SLC36A1: variants seen among roughly 807,000 people sequenced by gnomAD.
SLC36A1 encodes the protein solute carrier family 36 member 1.
A neutral mutation model predicts 47.5 loss-of-function variants in SLC36A1; 30 were observed. The ratio of observed to expected loss-of-function variants is 0.63; its 90% CI spans 0.47 to 0.86. SLC36A1 has a LOEUF of 0.86. Among genes scored for constraint, SLC36A1 ranks in the 40% least tolerant of loss-of-function variants. The probability of loss-of-function intolerance (pLI) is 0.00; values close to 1 mark genes in which losing one functional copy is unlikely to be tolerated. For missense variants in SLC36A1, 517 were observed against 606.0 expected (o/e 0.85, Z 1.54); for synonymous variants, 255 against 249.7 (o/e 1.02, Z -0.20).
the SLC36A1 span, among the ~76,000 whole-genome samples, chr5:151,389,594 C>T: frequency 0.5 from 68,055 of 134,848 alleles, 18,514 homozygotes; most frequent in African/African-American, 0.76. Flanking sequence ...GTGTGTGATG[C>T]TCCCCTTCCT....
At chr5:151,529,705 A>G in the SLC36A1 span, among the ~76,000 whole-genome samples, 1 of 152,242 alleles carries the variant, frequency 6.6e-6, no homozygotes, top group Non-Finnish European at 1.5e-5. Context: ...CCTGTGGAGC[A>G]GGGACAATTA....
the SLC36A1 span, chr5:151,380,473 C>A: frequency 2.2e-6 from 1 of 452,206 alleles, no homozygotes; most frequent in Non-Finnish European, 4.5e-6. Context: ...GACTTGGAAA[C>A]ATGTGCCTAT....
chr5:151,510,069 G>A, the SLC36A1 span: 1 of 1,614,218 alleles, frequency 6.2e-7, no homozygotes, highest in Non-Finnish European at 8.5e-7. Context: ...TCCTTTGGGG[G>A]AGAGGATGCA....
At chr5:151,529,002 C>T in the SLC36A1 span, among the ~76,000 whole-genome samples, 36 of 152,160 alleles carry the variant, frequency 2.4e-4, no homozygotes, top group South Asian at 6.2e-3. Flanking sequence ...ATAGTTTGGC[C>T]GAGCATTGTT....
chr5:151,473,706 G>A lies in SLC36A1; in HGVS notation c.757G>A (p.Ala253Thr), dbSNP rs1757641715. The A allele has an allele frequency of 2.5e-6, 4 of 1,613,884 alleles. No homozygotes were observed. The highest frequency in any genetic ancestry group is 3.4e-6 in the Non-Finnish European group (4 of 1,179,842). ...AGACCCCAGCCACCTCCCCTTGGTGGCCCCTTGGAAGACCTACCCTCTCTT... is the reference window on the plus strand; with the variant it reads ...AGACCCCAGCCACCTCCCCTTGGTGACCCCTTGGAAGACCTACCCTCTCTT... ...IPDPSHLPLV[A>T]PWKTYPLFFG... The change falls in exon 8 of 11, where the codon GCC becomes ACC. Residue 253 changes from alanine (A) to threonine (T), a missense_variant. By Grantham distance (58) the Ala-to-Thr change is moderately conservative. Coordinates refer to ENST00000243389, the MANE Select transcript of SLC36A1 (RefSeq NM_078483.4).
intron 8 of SLC36A1, among the ~76,000 whole-genome samples, chr5:151,475,914 A>G (rs1319161557): frequency 6.6e-6 from 1 of 152,220 alleles, no homozygotes; most frequent in Non-Finnish European, 1.5e-5. Flanking sequence ...CAATTCCTAA[A>G]TAAACTCATT....
chr5:151,353,313 T>C, the SLC36A1 span, among the ~76,000 whole-genome samples: 36 of 152,330 alleles, frequency 2.4e-4, no homozygotes, highest in Middle Eastern at 3.4e-3. Flanking sequence ...AAAGATACTA[T>C]GTTTAGGACA....
the SLC36A1 span, among the ~76,000 whole-genome samples, chr5:151,503,128 A>G: frequency 2.7e-5 from 4 of 147,860 alleles, 1 homozygote; most frequent in African/African-American, 5.4e-5. Context: ...CAGTGAAACC[A>G]TCTGCAAGAG....
At chr5:151,537,682 C>CTGAT in the SLC36A1 span, 2 of 1,075,034 alleles carry the variant, frequency 1.9e-6, no homozygotes, top group Non-Finnish European at 2.7e-6. Flanking sequence ...TATATGTTTG[C>CTGAT]TGATAGATGA....
At chr5:151,390,687 T>C in the SLC36A1 span, among the ~76,000 whole-genome samples, 1 of 152,260 alleles carries the variant, frequency 6.6e-6, no homozygotes, top group African/African-American at 2.4e-5. Flanking sequence ...TTCTTGTTTT[T>C]GTCAGGTTTG....
chr5:151,428,559 G>A, the SLC36A1 span, among the ~76,000 whole-genome samples: 5 of 152,166 alleles, frequency 3.3e-5, no homozygotes, highest in African/African-American at 1.2e-4. Context: ...TTGCATCCAA[G>A]GTTCCAGAAC....
chr5:151,546,126 T>A, the SLC36A1 span: 3 of 1,613,842 alleles, frequency 1.9e-6, no homozygotes, highest in Non-Finnish European at 2.5e-6. Flanking sequence ...CAGGGATCTC[T>A]ACAAAGTACT....
At chr5:151,404,360 T>G in the SLC36A1 span, among the ~76,000 whole-genome samples, 1 of 152,188 alleles carries the variant, frequency 6.6e-6, no homozygotes, top group East Asian at 1.9e-4. Flanking sequence ...TCTTAATTTT[T>G]AATCCAACTT....
chr5:151,421,591 TTTG>T, the SLC36A1 span, among the ~76,000 whole-genome samples: 4,547 of 150,236 alleles, frequency 0.03, 214 homozygotes, highest in African/African-American at 0.11. Context: ...TTTTTTTTTT[TTTG>T]TTGTTGTTGT....
the SLC36A1 span, among the ~76,000 whole-genome samples, chr5:151,555,085 CAT>C: frequency 2.0e-5 from 3 of 152,186 alleles, no homozygotes; most frequent in African/African-American, 7.2e-5. Context: ...TTGAGTCAGA[CAT>C]GTGCACGTGG....
At chr5:151,448,289 T>C (rs1431288647) in intron 1 of SLC36A1, among the ~76,000 whole-genome samples, 1 of 152,218 alleles carries the variant, frequency 6.6e-6, no homozygotes, top group African/African-American at 2.4e-5. Context: ...GCGACTAGAA[T>C]GCAAATGTTC....
the SLC36A1 span, among the ~76,000 whole-genome samples, chr5:151,369,651 T>C: frequency 6.6e-6 from 1 of 152,144 alleles, no homozygotes; most frequent in African/African-American, 2.4e-5. Context: ...TGGCTAATTT[T>C]AAAATATATT....
chr5:151,507,071 C>T, the SLC36A1 span: 20 of 1,261,470 alleles, frequency 1.6e-5, no homozygotes, highest in South Asian at 2.8e-4. Context: ...GCTAAAAATG[C>T]CTGTGCCTCA....
At chr5:151,360,508 G>A in the SLC36A1 span, among the ~76,000 whole-genome samples, 1 of 152,106 alleles carries the variant, frequency 6.6e-6, no homozygotes. Context: ...AGGGTTAATG[G>A]TGCTGTTTCA....
Sources: gnomAD v4.1 joint callset for allele counts (sites outside exome capture counted in the v4.1 genomes callset) on GRCh38, gnomAD v4.1.1 for gene constraint, MANE v1.5 for transcripts, NCBI Gene and HGNC (gene_info 2026-07-23, HGNC 2026-07-21) for gene names.